The following SLC36A2 variants were observed in gnomAD, a reference collection of about 807,000 sequenced individuals.
The protein encoded by SLC36A2 is proton-coupled amino acid transporter 2.
SLC36A2 carries 39 observed loss-of-function variants against 42.7 expected under a neutral mutation model. The ratio of observed to expected loss-of-function variants is 0.91; its 90% CI spans 0.71 to 1.19. The LOEUF (loss-of-function observed/expected upper bound fraction) is 1.19. SLC36A2 is among the 50% of genes most tolerant of loss of function. The pLI, the probability that SLC36A2 is intolerant of heterozygous loss-of-function variation, is 0.00. For synonymous variants in SLC36A2, 237 were observed against 240.8 expected, an observed-to-expected ratio of 0.98 and a Z score of 0.15; for missense variants, 590 against 613.7, an observed-to-expected ratio of 0.96 and a Z score of 0.41.
At chr5:151,331,050 G>T (rs1281088914) in intron 7 of SLC36A2, among the ~76,000 whole-genome samples, 1 of 152,198 alleles carries the variant, frequency 6.6e-6, no homozygotes, top group Non-Finnish European at 1.5e-5. Context: ...TCAATGGTCA[G>T]TTGATTTTTG....
At chr5:151,338,969 G>T in intron 5 of SLC36A2, 91 bp downstream of exon 5, 2 of 931,356 alleles carry the variant, frequency 2.1e-6, no homozygotes, top group East Asian at 2.7e-5. Flanking sequence ...ACATTGATGA[G>T]GACCAGAGAG....
chr5:151,334,447 T>TG (rs1433718133), intron 6 of SLC36A2, among the ~76,000 whole-genome samples: 1 of 134,140 alleles, frequency 7.5e-6, no homozygotes, highest in Admixed American at 8.0e-5. Context: ...CTCAGCACTT[T>TG]GGGGGGGCCA....
At position 151,343,546 on chromosome 5, in the gene SLC36A2, T is replaced by G. The variant is rs750712523; in HGVS notation, c.308A>C (p.His103Pro). The G allele has an allele frequency of 6.2e-7, 1 of 1,614,156 alleles. No homozygotes were observed. Among genetic ancestry groups the G allele is most frequent in the Non-Finnish European group, 8.5e-7 (1 of 1,180,022 alleles). ...GCGCTGGGCACACTTGACCAGGATG[T>G]GCATACAGTGGCAGGCAATGAAGCC... is the stretch of plus-strand genomic sequence containing the variant. ...VMGFIACHCMHILVKCAQRFC... is the reference protein window; with the variant it reads ...VMGFIACHCMPILVKCAQRFC... The change falls in exon 3 of 10, where the codon CAC becomes CCC. Residue 103 changes from histidine (H) to proline (P), a missense_variant. His to Pro is a moderately conservative substitution (Grantham distance 77, BLOSUM62 -2). Transcript: ENST00000335244.
chr5:151,337,706 C>T (rs1756199279), intron 5 of SLC36A2, among the ~76,000 whole-genome samples: 2 of 151,844 alleles, frequency 1.3e-5, no homozygotes, highest in South Asian at 4.2e-4. Context: ...GACTTTTGTG[C>T]CAACAGATGA....
At chr5:151,322,024 C>T (rs777315685) in intron 9 of SLC36A2, 22 bp downstream of exon 9, 9 of 1,613,964 alleles carry the variant, frequency 5.6e-6, no homozygotes, top group Non-Finnish European at 7.6e-6. Context: ...AGCAGGAACA[C>T]TGCACTCTCC....
chr5:151,319,242 G>C (rs1755612097), intron 9 of SLC36A2: 1 of 458,142 alleles, frequency 2.2e-6, no homozygotes, highest in Non-Finnish European at 2.9e-6. Flanking sequence ...GTGTAGTGTA[G>C]GCTTAAGGGA....
chr5:151,333,463 C>A, intron 6 of SLC36A2, 141 bp from the exon 7 acceptor site: 1 of 714,510 alleles, frequency 1.4e-6, no homozygotes, highest in Non-Finnish European at 2.5e-6. Flanking sequence ...GGGATGTAGG[C>A]CACGATCAAA....
chr5:151,321,375 G>T (rs1484045019), intron 9 of SLC36A2, among the ~76,000 whole-genome samples: 8 of 144,506 alleles, frequency 5.5e-5, no homozygotes, highest in African/African-American at 2.1e-4. Context: ...TAGAGATGGG[G>T]TTTCACCATG....
At chr5:151,331,858 C>T (rs566915241) in intron 7 of SLC36A2, among the ~76,000 whole-genome samples, 1 of 151,636 alleles carries the variant, frequency 6.6e-6, no homozygotes, top group Admixed American at 6.6e-5. Flanking sequence ...GGCAGCATAG[C>T]AAGATCCCAT....
intron 4 of SLC36A2, among the ~76,000 whole-genome samples, chr5:151,340,187 G>GA: frequency 2.7e-5 from 2 of 75,000 alleles, no homozygotes; most frequent in Non-Finnish European, 4.9e-5. Flanking sequence ...GGAGGAGGAA[G>GA]AGGTGGAGGA....
chr5:151,325,048 T>C (rs1755812080), intron 8 of SLC36A2: 4 of 568,784 alleles, frequency 7.0e-6, no homozygotes, highest in Non-Finnish European at 1.3e-5. Flanking sequence ...TCCTCTCTTC[T>C]TAAGTCATGT....
In SLC36A2 at chr5:151,327,269, C is replaced by T. The variant is rs149850666; in HGVS notation, c.844-1817G>A. ...ATTCTTGTTTTACAGATGAGGAAAA[C>T]AAGGCTCTGAAAATGAGATAACTGA... is the stretch of plus-strand genomic sequence containing the variant. On this transcript the variant is annotated intron_variant, in intron 7 of 9. Transcript: ENST00000335244. Among the ~76,000 whole-genome samples, 261 of 152,236 alleles carry T rather than the reference C, an allele frequency of 1.7e-3. 1 individual carries two copies. Among genetic ancestry groups the T allele is most frequent in the African/African-American group, 5.9e-3 (245 of 41,528 alleles).
Position 151,339,740 on chromosome 5 carries a change from A to G in SLC36A2, c.441-596T>C, listed in dbSNP as rs1056005109. 1.4e-4 allele frequency among the ~76,000 whole-genome samples: 22 copies of G among 152,240 alleles called. 1 individual carries two copies. The highest frequency in any genetic ancestry group is 4.6e-4 in the Admixed American group (7 of 15,284). On this transcript the variant is annotated intron_variant, in intron 4 of 9. Coordinates refer to ENST00000335244, the MANE Select transcript of SLC36A2 (RefSeq NM_181776.3). ...GTGGCATTCCTCATCATTGATACCAATTAATGTGGGACAGCAGGCACAATG... is the reference window on the plus strand; with the variant it reads ...GTGGCATTCCTCATCATTGATACCAGTTAATGTGGGACAGCAGGCACAATG...
At chr5:151,338,148 A>T (rs944233041) in intron 5 of SLC36A2, among the ~76,000 whole-genome samples, 1 of 152,232 alleles carries the variant, frequency 6.6e-6, no homozygotes, top group African/African-American at 2.4e-5. Context: ...ACATAATAGA[A>T]GCTAACTCTG....
rs571471786 is a variant in SLC36A2 at position 151,324,831 on chromosome 5, G to C, written c.1010+455C>G. ...ATGGAAATTTTTTTTGTAGAAGTGG[G>C]GTCTTACCATGTTGCCCAGGTTGGC... On this transcript the variant is annotated intron_variant, in intron 8 of 9. Transcript: ENST00000335244. Among the ~76,000 whole-genome samples the C allele has an allele frequency of 2.9e-3, 440 of 152,202 alleles. 1 individual carries two copies. Among genetic ancestry groups the C allele is most frequent in the Middle Eastern group, 6.8e-3 (2 of 294 alleles).
At chr5:151,344,039 G>C in intron 2 of SLC36A2, 138 bp downstream of exon 2, 3 of 795,424 alleles carry the variant, frequency 3.8e-6, no homozygotes, top group Non-Finnish European at 6.5e-6. Flanking sequence ...ACCCAGGCTA[G>C]ATGTCTAGAC....
At chr5:151,319,027 T>C (rs1755602866) in intron 9 of SLC36A2, 2 of 316,050 alleles carry the variant, frequency 6.3e-6, no homozygotes, top group African/African-American at 2.3e-5. Context: ...TGTATGGCCT[T>C]GCCCAAGTCC....
chr5:151,335,431 C>CAGCA lies in SLC36A2; in HGVS notation c.638_641dup (p.Leu215AlafsTer64). 6.2e-7 allele frequency: 1 copy of CAGCA among 1,614,096 alleles called. No homozygotes were observed. The highest frequency in any genetic ancestry group is 8.5e-7 in the Non-Finnish European group (1 of 1,180,018). ...TCCTGAGGTTCCGGATGAGGACCAG[C>CAGCA]AGCACCAGGAAGGGCAGGAAGGAGA... is the stretch of plus-strand genomic sequence containing the variant. On this transcript the variant is annotated frameshift_variant, in exon 6 of 10. Transcript: ENST00000335244. LOFTEE classifies it high-confidence loss of function.
At chr5:151,318,890 A>G (rs366790) in intron 9 of SLC36A2, among the ~76,000 whole-genome samples, 100,917 of 151,972 alleles carry the variant, frequency 0.66, 34,470 homozygotes, top group East Asian at 0.98. Flanking sequence ...GGGCTTTTAC[A>G]TTTTTTATTA....
Sources: gnomAD v4.1 joint callset for allele counts (sites outside exome capture counted in the v4.1 genomes callset) on GRCh38, gnomAD v4.1.1 for gene constraint, MANE v1.5 for transcripts, NCBI Gene and HGNC (gene_info 2026-07-23, HGNC 2026-07-21) for gene names.